Variants in NPR1 observed in about 807,000 individuals in gnomAD.
NPR1 encodes atrial natriuretic peptide receptor 1.
In NPR1, 57 loss-of-function variants were observed where a neutral mutation model predicts 116.9. The observed-to-expected ratio is 0.49, with a 90% CI of 0.39 to 0.61. NPR1 has a LOEUF of 0.61. Ranked by LOEUF, NPR1 falls within the 20% of genes least tolerant of loss-of-function variation. The pLI is 0.00. For missense variants in NPR1, 1,096 were observed against 1,409.8 expected (o/e 0.78, Z 3.56); for synonymous variants, 555 against 601.6 (o/e 0.92, Z 1.13).
intron 5 of NPR1, 21 bp downstream of exon 5, chr1:153,682,610 G>A: frequency 1.3e-6 from 2 of 1,575,140 alleles, no homozygotes; most frequent in Non-Finnish European, 1.7e-6. Context: ...GCACCCAGAA[G>A]ACAGTGCCAA....
intron 15 of NPR1, chr1:153,688,665 C>T (rs1015394441): frequency 8.7e-5 from 43 of 493,966 alleles, no homozygotes; most frequent in South Asian, 1.6e-4. Context: ...GCAATTGACC[C>T]TTGTCATTCT....
intron 15 of NPR1, 74 bp from the exon 16 acceptor site, chr1:153,688,879 G>A (rs1670007156): frequency 1.9e-6 from 3 of 1,574,434 alleles, no homozygotes; most frequent in Non-Finnish European, 2.6e-6. Context: ...AGGGGGAAGT[G>A]CCTAGGGGCG....
Position 153,689,046 on chromosome 1 carries a change from A to G in NPR1, c.2511A>G (p.Ala837=). Residue 837 remains alanine, a synonymous_variant, in exon 16 of 22, where the codon GCA becomes GCG. Coordinates refer to ENST00000368680, the MANE Select transcript of NPR1 (RefSeq NM_000906.4). The surrounding 1 kb of genome is among the most constrained non-coding windows in gnomAD (Gnocchi z 5.1). The part of the protein sequence containing the change: ...LEELVEERTQ[A]YLEEKRKAEA... ...AACTGGTGGAGGAGCGGACCCAGGC[A>G]TACCTGGAGGAGAAGCGCAAGGCTG... is the stretch of plus-strand genomic sequence containing the variant. The G allele has an allele frequency of 6.2e-7, 1 of 1,614,234 alleles. No homozygotes were observed. The highest frequency in any genetic ancestry group is 8.5e-7 in the Non-Finnish European group (1 of 1,180,046).
intron 1 of NPR1, among the ~76,000 whole-genome samples, chr1:153,680,162 C>T (rs1669722716): frequency 6.6e-6 from 1 of 150,624 alleles, no homozygotes; most frequent in East Asian, 2.0e-4. Flanking sequence ...CCTCTCATTG[C>T]GCCTCATCCC....
rs1425336372 is a variant in NPR1, at chr1:153,693,702, T to G, written c.*288T>G. 1.2e-5 allele frequency: 5 copies of G among 412,558 alleles called. No individual in the cohort carries two copies. The highest frequency in any genetic ancestry group is 1.0e-4 in the African/African-American group (5 of 48,758). The allele number at this position is 412,558 out of a possible 1,614,324, so 25.6% of individuals were successfully genotyped here. On this transcript the variant is annotated 3_prime_UTR_variant, in exon 22 of 22. Coordinates refer to ENST00000368680, the MANE Select transcript of NPR1 (RefSeq NM_000906.4). ...CCTGGACTCAGGCCGGGCTGGGCTG[T>G]GGATTCCTGATCCCCTCCCCTCCCC...
chr1:153,680,214 C>T (rs1202228335), intron 1 of NPR1, among the ~76,000 whole-genome samples: 1 of 150,386 alleles, frequency 6.6e-6, no homozygotes, highest in African/African-American at 2.5e-5. Flanking sequence ...TCCCTCCTGG[C>T]CCCATCCTTC....
rs1174456586 is a variant in NPR1 at position 153,679,209 on chromosome 1, A to G, written c.101A>G (p.Asn34Ser). 3.3e-6 allele frequency: 5 copies of G among 1,519,798 alleles called. No homozygotes were observed. The highest frequency in any genetic ancestry group is 4.4e-6 in the Non-Finnish European group (5 of 1,138,588). 94.1% of individuals were successfully genotyped at this position (1,519,798 alleles called of 1,614,324 possible). ...LLLLRGSHAGNLTVAVVLPLA... is the reference protein window; with the variant it reads ...LLLLRGSHAGSLTVAVVLPLA... Reference sequence around the variant, plus strand: ...CTGCTCCGGGGCAGCCACGCGGGCAACCTGACGGTAGCCGTGGTACTGCCG... The same window carrying G: ...CTGCTCCGGGGCAGCCACGCGGGCAGCCTGACGGTAGCCGTGGTACTGCCG... Residue 34 changes from asparagine to serine, a missense_variant, in exon 1 of 22, where the codon AAC becomes AGC. Transcript: ENST00000368680. This position sits in a 1 kb window ranked among gnomAD's most constrained non-coding sequence, Gnocchi z 4.2.
Position 153,679,923 on chromosome 1 carries a change from C to A in NPR1, c.721+94C>A. The A allele has an allele frequency of 6.9e-7, 1 of 1,444,492 alleles. No individual in the cohort carries two copies. The highest frequency in any genetic ancestry group is 9.2e-7 in the Non-Finnish European group (1 of 1,089,996). The allele number at this position is 1,444,492 out of a possible 1,614,324, so 89.5% of individuals were successfully genotyped here. On this transcript the variant is annotated intron_variant, in intron 1 of 21. Coordinates refer to ENST00000368680, the MANE Select transcript of NPR1 (RefSeq NM_000906.4). This position sits in a 1 kb window ranked among gnomAD's most constrained non-coding sequence, Gnocchi z 4.2. ...CGGGACTTTCTCTCTCATCTGGGGG[C>A]ACTCTTCTTTCTCCTCGCCGTTCTT...
chr1:153,687,132 C>A, intron 12 of NPR1, 45 bp downstream of exon 12: 1 of 1,612,418 alleles, frequency 6.2e-7, no homozygotes, highest in East Asian at 2.2e-5. Context: ...AGGGGCCAGG[C>A]ATGCTTCTCC....
Position 153,686,668 on chromosome 1 carries a change from A to G in NPR1, c.1781A>G (p.His594Arg), listed in dbSNP as rs1477868872. The G allele has an allele frequency of 1.1e-5, 18 of 1,613,786 alleles. No individual in the cohort carries two copies. Among genetic ancestry groups the G allele is most frequent in the Non-Finnish European group, 1.5e-5 (18 of 1,179,896 alleles). Residue 594 changes from histidine (H) to arginine (R), a missense_variant, in exon 11 of 22, where the codon CAC (histidine) becomes CGC (arginine). Transcript: ENST00000368680. ...LKHMRDVQNE[H>R]LTRFVGACTD... ...CAGATGCGGGATGTGCAGAATGAAC[A>G]CCTGACCAGGTTTGTGGGAGCCTGC... is the stretch of plus-strand genomic sequence containing the variant.
chr1:153,684,038 A>C (rs1669859331), intron 7 of NPR1, among the ~76,000 whole-genome samples: 1 of 152,158 alleles, frequency 6.6e-6, no homozygotes, highest in Non-Finnish European at 1.5e-5. Context: ...AGGAATGGCC[A>C]AGGAGAGTCA....
intron 1 of NPR1, 26 bp from the exon 2 acceptor site, chr1:153,680,475 C>G (rs1156443952): frequency 6.2e-7 from 1 of 1,611,664 alleles, no homozygotes; most frequent in African/African-American, 1.3e-5. Flanking sequence ...CTAGGCTTCT[C>G]TCTCTGACTC....
At chr1:153,690,005 G>A (rs1237163825) in intron 19 of NPR1, 25 bp downstream of exon 19, 1 of 1,474,122 alleles carries the variant, frequency 6.8e-7, no homozygotes, top group African/African-American at 1.4e-5. Flanking sequence ...GGTGCAGGCG[G>A]GCATCCAGAG....
In NPR1 at chr1:153,685,045, GCA is replaced by G. The variant is rs777866207; in HGVS notation, c.1568_1569del (p.His523ProfsTer37). 6.2e-7 allele frequency: 1 copy of G among 1,614,106 alleles called. No homozygotes were observed. The highest frequency in any genetic ancestry group is 1.3e-5 in the African/African-American group (1 of 75,054). On this transcript the variant is annotated frameshift_variant, in exon 8 of 22. Coordinates refer to ENST00000368680, the MANE Select transcript of NPR1 (RefSeq NM_000906.4). LOFTEE classifies it high-confidence loss of function. ...EDVEPSSLER[H>X]LRSAGSRLTL... The stretch of plus-strand genomic sequence containing the variant: ...ACGTTGAGCCCAGTAGCCTTGAGAG[GCA>G]CCTGCGGAGTGCAGGCAGCCGGCTG...
intron 7 of NPR1, 72 bp downstream of exon 7, chr1:153,683,896 A>C: frequency 7.3e-7 from 1 of 1,368,982 alleles, no homozygotes; most frequent in African/African-American, 1.4e-5. Flanking sequence ...GGCGGTGGGG[A>C]CCCAGAGGGA....
At chr1:153,685,674 C>T (rs1557962853) in intron 8 of NPR1, 132 bp from the exon 9 acceptor site, 1 of 715,972 alleles carries the variant, frequency 1.4e-6, no homozygotes, top group Non-Finnish European at 2.4e-6. Context: ...AAAAAAAAAC[C>T]CAACAACAAA....
chr1:153,689,023 C>G lies in NPR1; in HGVS notation c.2488C>G (p.Leu830Val), dbSNP rs776522345. 6.2e-7 allele frequency: 1 copy of G among 1,614,226 alleles called. No homozygotes were observed. Residue 830 changes from leucine (L) to valine (V), a missense_variant, in exon 16 of 22, where the codon CTG becomes GTG. Transcript: ENST00000368680. The surrounding 1 kb of genome is among the most constrained non-coding windows in gnomAD (Gnocchi z 5.1). Reference sequence around the variant, plus strand: ...GCAGTACGCGAACAATCTGGAGGAACTGGTGGAGGAGCGGACCCAGGCATA... The same window carrying G: ...GCAGTACGCGAACAATCTGGAGGAAGTGGTGGAGGAGCGGACCCAGGCATA... ...MEQYANNLEE[L>V]VEERTQAYLE...
Position 153,688,174 on chromosome 1 carries a change from G to A in NPR1, c.2370G>A (p.Glu790=), listed in dbSNP as rs983271789. The A allele has an allele frequency of 6.2e-7, 1 of 1,613,940 alleles. No homozygotes were observed. Among genetic ancestry groups the A allele is most frequent in the South Asian group, 1.1e-5 (1 of 91,078 alleles). ...GGTGCTGGGCTGAGGACCCACAGGA[G>A]AGGCCACCATTCCAGCAGATCCGCC... ...MQRCWAEDPQ[E]RPPFQQIRLT... The change falls in exon 15 of 22, where the codon GAG becomes GAA. Residue 790 remains glutamate (E), a synonymous_variant. Coordinates refer to ENST00000368680, the MANE Select transcript of NPR1 (RefSeq NM_000906.4).
rs1352275025 is a variant in NPR1 at position 153,679,505 on chromosome 1, C to T, written c.397C>T (p.Arg133Trp). The T allele has an allele frequency of 4.6e-6, 7 of 1,536,592 alleles. No homozygotes were observed. Among genetic ancestry groups the T allele is most frequent in the Non-Finnish European group, 6.1e-6 (7 of 1,145,982 alleles). Reference protein sequence around the residue: ...APVGRFTAHWRVPLLTAGAPA... With the variant: ...APVGRFTAHWWVPLLTAGAPA... Reference sequence around the variant, plus strand: ...AGTGGGGCGCTTCACCGCGCACTGGCGGGTCCCGCTGCTGACCGCCGGCGC... The same window carrying T: ...AGTGGGGCGCTTCACCGCGCACTGGTGGGTCCCGCTGCTGACCGCCGGCGC... Residue 133 changes from arginine to tryptophan, a missense_variant, in exon 1 of 22, where the codon CGG becomes TGG. Coordinates refer to ENST00000368680, the MANE Select transcript of NPR1 (RefSeq NM_000906.4). This position sits in a 1 kb window ranked among gnomAD's most constrained non-coding sequence, Gnocchi z 4.2.
Sources: allele counts gnomAD v4.1 joint callset (sites outside exome capture counted in the v4.1 genomes callset), GRCh38; gene constraint gnomAD v4.1.1; non-coding constraint Gnocchi (gnomAD v3.1); transcripts MANE v1.5; gene names NCBI Gene and HGNC (gene_info 2026-07-23, HGNC 2026-07-21).